RPS19: variants seen among roughly 807,000 people sequenced by gnomAD.
RPS19 encodes the protein ribosomal protein S19, also known as small ribosomal subunit protein eS19.
Under a neutral mutation model 20.3 loss-of-function variants are expected in RPS19, and 1 was observed. The observed-to-expected ratio is 0.05, with a 90% confidence interval of 0.02 to 0.23. The LOEUF (loss-of-function observed/expected upper bound fraction) is 0.23. Ranked by LOEUF, RPS19 falls within the 10% of genes least tolerant of loss-of-function variation. The pLI is 1.00. For missense variants in RPS19, 111 were observed against 192.7 expected (o/e 0.58, Z 2.51); for synonymous variants, 87 against 74.8 (o/e 1.16, Z -0.84).
At chr19:41,867,919 G>A (rs576979566) in intron 3 of RPS19, among the ~76,000 whole-genome samples, 1 of 152,298 alleles carries the variant, frequency 6.6e-6, no homozygotes, top group Admixed American at 6.5e-5. Flanking sequence ...TGAGTCTGTG[G>A]ATATGAAGGG....
intron 5 of RPS19, 74 bp downstream of exon 5, chr19:41,869,827 A>C: frequency 6.7e-7 from 1 of 1,492,278 alleles, no homozygotes; most frequent in Non-Finnish European, 9.3e-7. Context: ...ATACTTTGTC[A>C]GGTAGACTTA....
chr19:41,870,978 T>C lies in RPS19; in HGVS notation c.412-373T>C, dbSNP rs533361739. ...CCTGGGTTCAAGCAATTCTCCTATCTCAGCTTCCCGAGTAGCTGGGACTAC... is the reference window on the plus strand; with the variant it reads ...CCTGGGTTCAAGCAATTCTCCTATCCCAGCTTCCCGAGTAGCTGGGACTAC... On this transcript the variant is annotated intron_variant, in intron 5 of 5. Coordinates refer to ENST00000598742, the MANE Select transcript of RPS19 (RefSeq NM_001022.4). 2.0e-4 allele frequency among the ~76,000 whole-genome samples: 29 copies of C among 145,962 alleles called. 1 individual carries two copies. The highest frequency in any genetic ancestry group is 1.9e-3 in the Admixed American group (27 of 14,236).
At chr19:41,867,194 T>C (rs1014511355) in intron 3 of RPS19, among the ~76,000 whole-genome samples, 1 of 149,512 alleles carries the variant, frequency 6.7e-6, no homozygotes, top group Non-Finnish European at 1.5e-5. Context: ...TCCCAACTAT[T>C]CAGGAGGTCA....
chr19:41,866,885 C>T (rs1421503647), intron 3 of RPS19, among the ~76,000 whole-genome samples: 2 of 152,054 alleles, frequency 1.3e-5, no homozygotes, highest in Non-Finnish European at 2.9e-5. Context: ...GGCGTGGTGG[C>T]GGGCCCCTGT....
chr19:41,860,628 C>G lies in RPS19; in HGVS notation c.1-147C>G, dbSNP rs576640313. On this transcript the variant is annotated intron_variant, in intron 1 of 5. Coordinates refer to ENST00000598742, the MANE Select transcript of RPS19 (RefSeq NM_001022.4). The stretch of plus-strand genomic sequence containing the variant: ...TGAGCTCCTTCAGACCCGCAGGAGC[C>G]GGAGCCCGGCGTTGAAGGGGCCGTG... The G allele has an allele frequency of 5.2e-6, 4 of 770,356 alleles. No individual in the cohort carries two copies. In the South Asian group the frequency reaches 5.4e-5, roughly 10 times the overall value. The allele number at this position is 770,356 out of a possible 1,614,324, so 47.7% of individuals were successfully genotyped here. A position where few individuals can be genotyped will look rare whatever the true frequency, so the allele number is the denominator to read the frequency against.
chr19:41,863,911 C>T (rs1181979689), intron 3 of RPS19: 5 of 148,082 alleles, frequency 3.4e-5, no homozygotes, highest in Admixed American at 1.4e-4. Context: ...GGTGCCGTCT[C>T]GGCTAACTGC....
At chr19:41,869,586 A>T (rs1555841495) in intron 4 of RPS19, 113 bp from the exon 5 acceptor site, 1 of 1,140,860 alleles carries the variant, frequency 8.8e-7, no homozygotes, top group Non-Finnish European at 1.3e-6. Flanking sequence ...CCTCAGTGGG[A>T]CTTGGCTGGC....
intron 5 of RPS19, among the ~76,000 whole-genome samples, chr19:41,870,244 A>G (rs1395779102): frequency 1.3e-5 from 2 of 148,578 alleles, no homozygotes; most frequent in African/African-American, 5.0e-5. Context: ...CTCCATCTCA[A>G]AAAAAAAAAA....
At chr19:41,861,789 G>A (rs1292018521) in intron 3 of RPS19, among the ~76,000 whole-genome samples, 1 of 152,172 alleles carries the variant, frequency 6.6e-6, no homozygotes, top group African/African-American at 2.4e-5. Flanking sequence ...AATGGTTGGA[G>A]ATCTGGCCAG....
Position 41,871,635 on chromosome 19 carries a change from C to T in RPS19, c.*258C>T. ...GGGCATGAGGAAGAGGCGCTTCCTC[C>T]CTTCCCTTGGGTGAGGGGGCCCAGG... On this transcript the variant is annotated 3_prime_UTR_variant, in exon 6 of 6. Transcript: ENST00000598742. The T allele has an allele frequency of 2.0e-6, 1 of 491,026 alleles. No homozygotes were observed. The highest frequency in any genetic ancestry group is 2.1e-5 in the South Asian group (1 of 47,096). 30.4% of individuals were successfully genotyped at this position (491,026 alleles called of 1,614,324 possible).
At chr19:41,861,078 C>T (rs1555839135) in intron 2 of RPS19, 34 bp from the exon 3 acceptor site, 19 of 1,539,700 alleles carry the variant, frequency 1.2e-5, no homozygotes, top group Middle Eastern at 1.7e-4. Context: ...GTGGAGATGA[C>T]TGAATCGTGC....
intron 4 of RPS19, 82 bp from the exon 5 acceptor site, chr19:41,869,617 G>T: frequency 6.7e-7 from 1 of 1,492,594 alleles, no homozygotes; most frequent in Non-Finnish European, 9.3e-7. Flanking sequence ...TTTTTGAGAA[G>T]CCTGGCTCAC....
intron 2 of RPS19, 118 bp downstream of exon 2, chr19:41,860,963 C>G: frequency 8.8e-7 from 1 of 1,140,560 alleles, no homozygotes; most frequent in Non-Finnish European, 1.3e-6. Flanking sequence ...TCCGTGGCTC[C>G]TTTCAGCGTG....
chr19:41,868,321 CTT>C (rs571956367), intron 3 of RPS19, among the ~76,000 whole-genome samples: 46 of 152,320 alleles, frequency 3.0e-4, no homozygotes, highest in African/African-American at 1.1e-3. Flanking sequence ...CAGTTTCACT[CTT>C]TAAAGGAGAG....
intron 3 of RPS19, among the ~76,000 whole-genome samples, chr19:41,863,220 A>G (rs1555839711): frequency 1.3e-5 from 2 of 152,018 alleles, no homozygotes. Flanking sequence ...GAGTCTCACT[A>G]TGTTGAACTC....
chr19:41,866,357 C>T (rs1555840515), intron 3 of RPS19, among the ~76,000 whole-genome samples: 1 of 152,226 alleles, frequency 6.6e-6, no homozygotes, highest in Non-Finnish European at 1.5e-5. Context: ...AGCCCCAGGG[C>T]ACAACCAGCT....
chr19:41,870,558 C>T (rs1161247783), intron 5 of RPS19, among the ~76,000 whole-genome samples: 1 of 151,898 alleles, frequency 6.6e-6, no homozygotes, highest in Non-Finnish European at 1.5e-5. Flanking sequence ...CCACCTCAAG[C>T]ATGGTAGTGA....
intron 5 of RPS19, among the ~76,000 whole-genome samples, chr19:41,870,849 C>CT (rs35987051): frequency 0.021 from 921 of 43,964 alleles, 97 homozygotes; most frequent in East Asian, 0.04. Flanking sequence ...CACTCCCTTC[C>CT]TTTTTTTTTT....
At chr19:41,871,249 A>C in intron 5 of RPS19, 102 bp from the exon 6 acceptor site, 3 of 971,358 alleles carry the variant, frequency 3.1e-6, no homozygotes, top group Non-Finnish European at 5.1e-6. Context: ...TTGAAACCAC[A>C]AATCGGGGTG....
Sources: allele counts gnomAD v4.1 joint callset (sites outside exome capture counted in the v4.1 genomes callset), GRCh38; gene constraint gnomAD v4.1.1; transcripts MANE v1.5; gene names NCBI Gene and HGNC (gene_info 2026-07-23, HGNC 2026-07-21).